KIF26B: variants seen among roughly 807,000 people sequenced by gnomAD.
KIF26B encodes the protein kinesin family member 26B, also known as kinesin-like protein KIF26B.
A neutral mutation model predicts 151.2 loss-of-function variants in KIF26B; 63 were observed. That is an observed-to-expected ratio of 0.42 (90% confidence interval 0.34 to 0.51). KIF26B has a LOEUF of 0.51. Among genes scored for constraint, KIF26B ranks in the 20% least tolerant of loss-of-function variants. The pLI is 0.07. For synonymous variants in KIF26B, 1,357 were observed against 1,262.1 expected, an observed-to-expected ratio of 1.08 and a Z score of -1.59; for missense variants, 2,813 against 2,913.6, an observed-to-expected ratio of 0.97 and a Z score of 0.79.
Position 245,602,820 on chromosome 1 carries a change from G to A in KIF26B, c.1557+37G>A. On this transcript the variant is annotated intron_variant, in intron 6 of 14. Transcript: ENST00000407071. The surrounding 1 kb of genome is among the most constrained non-coding windows in gnomAD (Gnocchi z 4.5). ...CCCCCTCTCAGGCTCAGGCAACGTT[G>A]ATGAAAGGGCAACGTTTACTCATTC... 6.3e-7 allele frequency: 1 copy of A among 1,592,052 alleles called. No homozygotes were observed. The highest frequency in any genetic ancestry group is 2.2e-4 in the Middle Eastern group (1 of 4,642).
intron 3 of KIF26B, among the ~76,000 whole-genome samples, chr1:245,386,679 T>G (rs1292864046): frequency 6.6e-6 from 1 of 152,108 alleles, no homozygotes; most frequent in East Asian, 1.9e-4. Context: ...TTAAACAACC[T>G]CCTATTTACA....
At chr1:245,481,938 G>T (rs1660176034) in intron 4 of KIF26B, among the ~76,000 whole-genome samples, 1 of 151,554 alleles carries the variant, frequency 6.6e-6, no homozygotes, top group Non-Finnish European at 1.5e-5. Context: ...ACTCTTCTTG[G>T]CTCTGTGTGT....
chr1:245,640,759 C>T (rs1463483799), intron 9 of KIF26B, among the ~76,000 whole-genome samples: 1 of 152,154 alleles, frequency 6.6e-6, no homozygotes, highest in Non-Finnish European at 1.5e-5. Flanking sequence ...ACCAATTTAA[C>T]TTTTCATTGT....
chr1:245,586,192 T>TGC (rs1246132152), intron 5 of KIF26B, among the ~76,000 whole-genome samples: 1 of 143,270 alleles, frequency 7.0e-6, no homozygotes, highest in African/African-American at 2.8e-5. Context: ...TGTGTGTGTG[T>TGC]GTGTGTTTGT....
At chr1:245,225,051 C>T (rs1386982229) in intron 2 of KIF26B, among the ~76,000 whole-genome samples, 3 of 152,196 alleles carry the variant, frequency 2.0e-5, no homozygotes, top group African/African-American at 7.2e-5. Context: ...AGGTAGTTTA[C>T]ACCATTTTAC....
chr1:245,475,994 G>A (rs1222565789), intron 4 of KIF26B, among the ~76,000 whole-genome samples: 1 of 151,828 alleles, frequency 6.6e-6, no homozygotes, highest in Non-Finnish European at 1.5e-5. Context: ...TAGCCAAAAT[G>A]GAGGAAGTAA....
At chr1:245,471,794 CTTT>C (rs35302412) in intron 4 of KIF26B, among the ~76,000 whole-genome samples, 1 of 145,194 alleles carries the variant, frequency 6.9e-6, no homozygotes. Context: ...TTAGATCTTA[CTTT>C]TTTTTTTTTT....
intron 3 of KIF26B, among the ~76,000 whole-genome samples, chr1:245,406,293 C>T (rs967955228): frequency 5.3e-5 from 8 of 152,176 alleles, no homozygotes; most frequent in African/African-American, 1.9e-4. Flanking sequence ...GTAACGTTTA[C>T]CAGGGGCCTG....
chr1:245,395,773 T>G (rs932439784), intron 3 of KIF26B, among the ~76,000 whole-genome samples: 3 of 152,218 alleles, frequency 2.0e-5, no homozygotes, highest in Non-Finnish European at 4.4e-5. Flanking sequence ...TTGTATTTAT[T>G]CACTGCACTG....
chr1:245,220,581 T>C (rs190426196), intron 2 of KIF26B, among the ~76,000 whole-genome samples: 24 of 152,276 alleles, frequency 1.6e-4, no homozygotes, highest in Admixed American at 4.6e-4. Context: ...CATGTGACTG[T>C]ACAATATCCC....
chr1:245,284,909 C>A (rs940031543), intron 2 of KIF26B, among the ~76,000 whole-genome samples: 4 of 152,154 alleles, frequency 2.6e-5, no homozygotes, highest in African/African-American at 9.7e-5. Flanking sequence ...CGTGGTGGCG[C>A]ATGCCTGTAA....
intron 2 of KIF26B, among the ~76,000 whole-genome samples, chr1:245,274,600 G>A (rs971177097): frequency 6.6e-6 from 1 of 152,134 alleles, no homozygotes; most frequent in Non-Finnish European, 1.5e-5. Context: ...TGGTGTATAT[G>A]TGCCACATTT....
intron 2 of KIF26B, among the ~76,000 whole-genome samples, chr1:245,184,050 G>GTTTTGTTTTGTTTTTTTTTTTTTTT (rs1553332273): frequency 1.0e-4 from 2 of 19,804 alleles, no homozygotes; most frequent in Non-Finnish European, 2.0e-4. Flanking sequence ...GGGAGTTGTT[G>GTTTTGTTTTGTTTTTTTTTTTTTTT]TTTTTTTTTT....
At chr1:245,681,702 AATAG>A (rs745706955) in intron 10 of KIF26B, among the ~76,000 whole-genome samples, 5 of 152,248 alleles carry the variant, frequency 3.3e-5, no homozygotes, top group Admixed American at 2.6e-4. Context: ...CATTTAATGT[AATAG>A]ATAGCATTGG....
At chr1:245,535,305 T>A (rs1661465381) in intron 4 of KIF26B, among the ~76,000 whole-genome samples, 1 of 152,238 alleles carries the variant, frequency 6.6e-6, no homozygotes, top group African/African-American at 2.4e-5. Flanking sequence ...TTATAGAATC[T>A]ATGGCTGTAA....
At chr1:245,288,994 A>G (rs2102972133) in intron 2 of KIF26B, among the ~76,000 whole-genome samples, 1 of 152,184 alleles carries the variant, frequency 6.6e-6, no homozygotes, top group South Asian at 2.1e-4. Context: ...AATGGGTTCC[A>G]TTGTATTTGA....
intron 9 of KIF26B, among the ~76,000 whole-genome samples, chr1:245,630,418 T>C (rs758465192): frequency 6.6e-6 from 1 of 152,106 alleles, no homozygotes; most frequent in Non-Finnish European, 1.5e-5. Flanking sequence ...AAGAATGAGA[T>C]CATGTCCTTT....
intron 2 of KIF26B, among the ~76,000 whole-genome samples, chr1:245,277,288 CA>C (rs1248195339): frequency 1.3e-5 from 2 of 152,188 alleles, no homozygotes; most frequent in African/African-American, 4.8e-5. Flanking sequence ...AGTTTTACTA[CA>C]AAAATCTAGG....
rs889376815 is a variant in KIF26B at position 245,241,473 on chromosome 1, G to A, written c.465+84790G>A. 2.9e-4 allele frequency among the ~76,000 whole-genome samples: 44 copies of A among 152,328 alleles called. No individual in the cohort carries two copies. The highest frequency in any genetic ancestry group is 6.3e-4 in the African/African-American group (26 of 41,574). On this transcript the variant is annotated intron_variant, in intron 2 of 14. Coordinates refer to ENST00000407071, the MANE Select transcript of KIF26B (RefSeq NM_018012.4). This position sits in a 1 kb window ranked among gnomAD's most constrained non-coding sequence, Gnocchi z 5.0. ...CTGGCACTGCTGTGTTCAGAGCATG[G>A]GAGGAAGCAGCAGCAGCAGAATCCC...
Sources: gnomAD v4.1 joint callset for allele counts (sites outside exome capture counted in the v4.1 genomes callset) on GRCh38, gnomAD v4.1.1 for gene constraint, Gnocchi (gnomAD v3.1) non-coding constraint, MANE v1.5 for transcripts, NCBI Gene and HGNC (gene_info 2026-07-23, HGNC 2026-07-21) for gene names.